The following NUBPL variants were observed in gnomAD, a reference collection of about 807,000 sequenced individuals.
NUBPL encodes the protein iron-sulfur cluster transfer protein NUBPL.
Under a neutral mutation model 45.7 loss-of-function variants are expected in NUBPL, and 31 were observed. The observed-to-expected ratio is 0.68, with a 90% CI of 0.51 to 0.92. NUBPL has a LOEUF of 0.92. NUBPL is among the 40% of genes least tolerant of loss of function. NUBPL has a pLI of 0.00. For missense variants in NUBPL, 401 were observed against 398.7 expected (o/e 1.01, Z -0.05); for synonymous variants, 144 against 140.9 (o/e 1.02, Z -0.15).
chr14:31,741,044 A>G (rs12894301), intron 6 of NUBPL, among the ~76,000 whole-genome samples: 82,932 of 152,018 alleles, frequency 0.55, 24,681 homozygotes, highest in African/African-American at 0.8. Flanking sequence ...AGCCCTTAGC[A>G]TATTAATCAC....
intron 6 of NUBPL, among the ~76,000 whole-genome samples, chr14:31,748,050 G>A (rs887286757): frequency 6.6e-5 from 10 of 151,702 alleles, no homozygotes; most frequent in Non-Finnish European, 1.2e-4. Context: ...TAATTTTTTC[G>A]TTGACCCATT....
intron 6 of NUBPL, among the ~76,000 whole-genome samples, chr14:31,711,311 AG>A (rs1300503570): frequency 6.6e-6 from 1 of 152,154 alleles, no homozygotes; most frequent in Non-Finnish European, 1.5e-5. Context: ...GCCCCTTCCC[AG>A]AAAGCCTGAC....
chr14:31,845,726 T>C (rs552395330), intron 8 of NUBPL: 1 of 152,500 alleles, frequency 6.6e-6, no homozygotes, highest in East Asian at 1.9e-4. Context: ...GTAAATAAGA[T>C]AGTACATTTA....
chr14:31,668,403 C>T (rs906436028), intron 4 of NUBPL, among the ~76,000 whole-genome samples: 1 of 152,168 alleles, frequency 6.6e-6, no homozygotes, highest in Non-Finnish European at 1.5e-5. Flanking sequence ...GGTTGACGCC[C>T]CTCTCCGTGC....
At chr14:31,760,176 A>AGAGAGAGAGAGAGAGAGG in intron 6 of NUBPL, among the ~76,000 whole-genome samples, 1 of 147,146 alleles carries the variant, frequency 6.8e-6, no homozygotes, top group African/African-American at 2.5e-5. Flanking sequence ...AGAGAGAGAG[A>AGAGAGAGAGAGAGAGAGG]GAGAGACAGG....
intron 8 of NUBPL, among the ~76,000 whole-genome samples, chr14:31,827,352 A>T (rs967730470): frequency 1.0e-4 from 15 of 148,846 alleles, no homozygotes; most frequent in African/African-American, 3.4e-4. Context: ...TACAAAGTTA[A>T]AAAAAAAAAA....
At chr14:31,812,907 G>A (rs991173388) in intron 7 of NUBPL, among the ~76,000 whole-genome samples, 8 of 151,810 alleles carry the variant, frequency 5.3e-5, no homozygotes, top group Admixed American at 1.3e-4. Flanking sequence ...CATCCTAAGC[G>A]CTTTAAAATC....
chr14:31,665,330 G>C (rs1566486273), intron 4 of NUBPL, among the ~76,000 whole-genome samples: 1 of 152,102 alleles, frequency 6.6e-6, no homozygotes, highest in Non-Finnish European at 1.5e-5. Context: ...GTCTATTTTA[G>C]ATCTTTCCAG....
intron 7 of NUBPL, among the ~76,000 whole-genome samples, chr14:31,820,984 A>G (rs753754174): frequency 6.6e-6 from 1 of 151,960 alleles, no homozygotes. Context: ...TTAGCTGGGC[A>G]TGGTGGCGCA....
intron 6 of NUBPL, among the ~76,000 whole-genome samples, chr14:31,719,490 GAA>G (rs34628146): frequency 1.0e-4 from 15 of 147,022 alleles, no homozygotes; most frequent in South Asian, 2.1e-4. Flanking sequence ...ATTCCTAAAG[GAA>G]AAAAAAAAAA....
chr14:31,688,795 T>C (rs1406270344), intron 6 of NUBPL, among the ~76,000 whole-genome samples: 1 of 151,806 alleles, frequency 6.6e-6, no homozygotes, highest in Non-Finnish European at 1.5e-5. Context: ...TAATTATTTT[T>C]CTTTTCCTCT....
chr14:31,714,719 G>C (rs2037650750), intron 6 of NUBPL: 1 of 152,172 alleles, frequency 6.6e-6, no homozygotes, highest in Admixed American at 6.5e-5. Flanking sequence ...TCACATTTCA[G>C]CATGAGATTT....
intron 4 of NUBPL, among the ~76,000 whole-genome samples, chr14:31,625,754 G>T (rs767914966): frequency 4.6e-5 from 7 of 152,084 alleles, no homozygotes; most frequent in Non-Finnish European, 1.0e-4. Flanking sequence ...GAAATTATAG[G>T]CATAAGCCAC....
intron 4 of NUBPL, among the ~76,000 whole-genome samples, chr14:31,648,225 C>T (rs901113467): frequency 2.6e-5 from 4 of 152,132 alleles, no homozygotes; most frequent in African/African-American, 9.7e-5. Flanking sequence ...AGAATATCAT[C>T]AATTCAAACC....
At chr14:31,588,623 T>C (rs77739760) in intron 3 of NUBPL, among the ~76,000 whole-genome samples, 8,437 of 151,878 alleles carry the variant, frequency 0.056, 662 homozygotes, top group African/African-American at 0.18. Context: ...TCCTTAAAAA[T>C]AGTAATCACC....
Position 31,826,695 on chromosome 14 carries a change from T to G in NUBPL, c.674T>G (p.Phe225Cys). The G allele has an allele frequency of 6.2e-7, 1 of 1,614,134 alleles. No homozygotes were observed. Among genetic ancestry groups the G allele is most frequent in the Non-Finnish European group, 8.5e-7 (1 of 1,179,968 alleles). Residue 225 changes from phenylalanine to cysteine, a missense_variant, in exon 8 of 11, where the codon TTT (phenylalanine) becomes TGT (cysteine). Phe to Cys is a radical substitution (Grantham distance 205, BLOSUM62 -2). Coordinates refer to ENST00000281081, the MANE Select transcript of NUBPL (RefSeq NM_025152.3). ...LMDAHKGAEM[F>C]RRVHVPVLGL... Reference sequence around the variant, plus strand: ...GATGCACACAAGGGTGCTGAGATGTTTCGCAGAGTCCACGTGCCCGTAAGC... The same window carrying G: ...GATGCACACAAGGGTGCTGAGATGTGTCGCAGAGTCCACGTGCCCGTAAGC...
intron 3 of NUBPL, among the ~76,000 whole-genome samples, chr14:31,578,612 C>A (rs745695956): frequency 6.6e-6 from 1 of 152,200 alleles, no homozygotes; most frequent in Admixed American, 6.5e-5. Context: ...GAAACTCTCA[C>A]CATGTTCTTG....
chr14:31,690,557 C>T (rs1262347625), intron 6 of NUBPL, among the ~76,000 whole-genome samples: 1 of 152,012 alleles, frequency 6.6e-6, no homozygotes, highest in Admixed American at 6.6e-5. Context: ...GCAGGATACT[C>T]TATGGAAAGG....
chr14:31,638,018 C>T (rs183203563), intron 4 of NUBPL, among the ~76,000 whole-genome samples: 18 of 152,274 alleles, frequency 1.2e-4, no homozygotes, highest in South Asian at 4.1e-4. Context: ...ATACAGCACA[C>T]GGATGGGTCT....
Sources: gnomAD v4.1 joint callset for allele counts (sites outside exome capture counted in the v4.1 genomes callset) on GRCh38, gnomAD v4.1.1 for gene constraint, MANE v1.5 for transcripts, NCBI Gene and HGNC (gene_info 2026-07-23, HGNC 2026-07-21) for gene names.